The following RMC1 variants were observed in gnomAD, a reference collection of about 807,000 sequenced individuals.
RMC1 encodes regulator of MON1-CCZ1 complex.
A neutral mutation model predicts 95.5 loss-of-function variants in RMC1; 44 were observed. The ratio of observed to expected loss-of-function variants is 0.46; its 90% CI spans 0.36 to 0.59. The LOEUF (loss-of-function observed/expected upper bound fraction) is 0.59, where lower values mean the gene tolerates loss of function less well. RMC1 is among the 20% of genes least tolerant of loss of function. The probability of loss-of-function intolerance (pLI) is 0.00; values close to 1 mark genes in which losing one functional copy is unlikely to be tolerated. For missense variants in RMC1, 705 were observed against 819.6 expected, an observed-to-expected ratio of 0.86 and a Z score of 1.71; for synonymous variants, 320 against 303.6, an observed-to-expected ratio of 1.05 and a Z score of -0.56.
At chr18:23,503,996 G>A (rs1374442489) in intron 1 of RMC1, among the ~76,000 whole-genome samples, 1 of 152,224 alleles carries the variant, frequency 6.6e-6, no homozygotes, top group Non-Finnish European at 1.5e-5. Context: ...TCTTATCTAG[G>A]CTTCTTTTGT....
At chr18:23,517,461 T>G (rs943120637) in intron 7 of RMC1, among the ~76,000 whole-genome samples, 8 of 152,174 alleles carry the variant, frequency 5.3e-5, no homozygotes, top group South Asian at 2.1e-4. Flanking sequence ...CGGAGGTATA[T>G]TTTCATTTGA....
Position 23,527,835 on chromosome 18 carries a change from C to A in RMC1, c.1230C>A (p.Ala410=). ...ESDRASLPVI[A]TVFDKLNHEY... ...ACAGAGCATCGCTGCCCGTGATAGC[C>A]ACTGTTTTTGATAAACTCAACCATG... The change falls in exon 14 of 20, where the codon GCC becomes GCA. Residue 410 remains alanine (A), a synonymous_variant. Coordinates refer to ENST00000269221, the MANE Select transcript of RMC1 (RefSeq NM_013326.5). 6.2e-7 allele frequency: 1 copy of A among 1,614,078 alleles called. No individual in the cohort carries two copies. The highest frequency in any genetic ancestry group is 1.3e-5 in the African/African-American group (1 of 75,016).
chr18:23,529,776 T>C, intron 16 of RMC1, 64 bp downstream of exon 16: 1 of 1,482,198 alleles, frequency 6.7e-7, no homozygotes, highest in Non-Finnish European at 9.4e-7. Context: ...ACACAGTCAC[T>C]GTCTTAGAAG....
At chr18:23,503,807 C>T in intron 1 of RMC1, 87 bp downstream of exon 1, 2 of 1,164,396 alleles carry the variant, frequency 1.7e-6, no homozygotes, top group Non-Finnish European at 2.3e-6. Flanking sequence ...CAGGCCCGAG[C>T]GTCCCCTCCT....
At chr18:23,524,227 C>G in intron 11 of RMC1, 53 bp downstream of exon 11, 1 of 1,600,120 alleles carries the variant, frequency 6.2e-7, no homozygotes, top group South Asian at 1.1e-5. Flanking sequence ...TGGTCACCCT[C>G]AGAGAGTGGT....
chr18:23,522,455 T>G (rs1365573173), intron 10 of RMC1: 1 of 152,196 alleles, frequency 6.6e-6, no homozygotes, highest in Non-Finnish European at 1.5e-5. Context: ...TCTTAAACTT[T>G]CTTAAAACAT....
At chr18:23,516,096 G>A (rs571330195) in intron 6 of RMC1, 100 bp downstream of exon 6, 3 of 1,549,414 alleles carry the variant, frequency 1.9e-6, no homozygotes, top group Non-Finnish European at 2.6e-6. Context: ...GGTTCCTCTA[G>A]CCGTAACGTC....
At chr18:23,528,893 T>G in intron 14 of RMC1, 1 of 297,134 alleles carries the variant, frequency 3.4e-6, no homozygotes, top group South Asian at 4.2e-5. Flanking sequence ...GCTTTTTTTT[T>G]TTTGAGACGG....
chr18:23,517,671 C>A (rs1295128093), intron 7 of RMC1, among the ~76,000 whole-genome samples: 1 of 152,058 alleles, frequency 6.6e-6, no homozygotes, highest in African/African-American at 2.4e-5. Context: ...AATGTTCTTT[C>A]ATTTCTTCTT....
chr18:23,519,761 G>A (rs2058096884), intron 9 of RMC1, among the ~76,000 whole-genome samples: 3 of 152,188 alleles, frequency 2.0e-5, no homozygotes, highest in Admixed American at 2.0e-4. Flanking sequence ...TGTTGCAATT[G>A]TGAGCATGGA....
rs1000865602 is a variant in RMC1, at chr18:23,516,656, T to A, written c.653+233T>A. On this transcript the variant is annotated intron_variant, in intron 7 of 19. Transcript: ENST00000269221. ...TGTGATGCTAAGGAATTCCTTTACC[T>A]TTCTAGCCTGATAAAACAAGAACAT... is the stretch of plus-strand genomic sequence containing the variant. Among the ~76,000 whole-genome samples the A allele has an allele frequency of 2.6e-5, 4 of 152,316 alleles. No homozygotes were observed. In the South Asian group the frequency reaches 8.3e-4, roughly 32 times the overall value.
intron 18 of RMC1, 44 bp downstream of exon 18, chr18:23,530,341 G>T: frequency 6.2e-7 from 1 of 1,613,994 alleles, no homozygotes; most frequent in Non-Finnish European, 8.5e-7. Flanking sequence ...AACTAACTCT[G>T]TTCCTGTTGT....
At chr18:23,504,741 T>C (rs1451168714) in intron 2 of RMC1, 1 of 281,282 alleles carries the variant, frequency 3.6e-6, no homozygotes, top group Non-Finnish European at 6.9e-6. Flanking sequence ...CATTTCTGGT[T>C]TGTTCACAGA....
In RMC1 at chr18:23,503,666, G is replaced by A. The variant is rs766522142; in HGVS notation, c.48G>A (p.Gln16=). Residue 16 remains glutamine, a synonymous_variant, in exon 1 of 20, where the codon CAG becomes CAA. Coordinates refer to ENST00000269221, the MANE Select transcript of RMC1 (RefSeq NM_013326.5). ...YYLELCERPV[Q]FEKANPVNCV... The stretch of plus-strand genomic sequence containing the variant: ...TGGAGCTGTGCGAGCGGCCGGTGCA[G>A]TTCGAGAAGGCGAACCCTGTCAACT... 1.3e-6 allele frequency: 2 copies of A among 1,592,448 alleles called. No individual in the cohort carries two copies. The highest frequency in any genetic ancestry group is 1.7e-6 in the Non-Finnish European group (2 of 1,170,018).
At position 23,506,896 on chromosome 18, in the gene RMC1, CTT is replaced by C. The variant is rs1377787168; in HGVS notation, c.180-71_180-70del. 3.4e-5 allele frequency: 35 copies of C among 1,044,122 alleles called. No homozygotes were observed. In the Admixed American group the frequency reaches 5.7e-4, roughly 17 times the overall value. 64.7% of individuals were successfully genotyped at this position (1,044,122 alleles called of 1,614,324 possible). A position where few individuals can be genotyped will look rare whatever the true frequency, so the allele number is the denominator to read the frequency against. On this transcript the variant is annotated intron_variant, in intron 2 of 19. Transcript: ENST00000269221. The stretch of plus-strand genomic sequence containing the variant: ...GCTGCCTCCTGAATATAGATTGTGT[CTT>C]TTGCCTTTTCAATAAATGGTAGTAG...
chr18:23,504,159 C>G (rs1043980636), intron 1 of RMC1, among the ~76,000 whole-genome samples: 2 of 152,230 alleles, frequency 1.3e-5, no homozygotes, highest in South Asian at 2.1e-4. Flanking sequence ...CCTCGGGAAC[C>G]CGACCCGGTG....
At chr18:23,516,211 A>G in intron 6 of RMC1, 109 bp from the exon 7 acceptor site, 1 of 1,402,098 alleles carries the variant, frequency 7.1e-7, no homozygotes, top group Non-Finnish European at 1.0e-6. Context: ...GACGGTGGAA[A>G]GGATCCAAAG....
chr18:23,514,553 G>A (rs1359836549), intron 5 of RMC1, among the ~76,000 whole-genome samples: 9 of 149,366 alleles, frequency 6.0e-5, no homozygotes, highest in African/African-American at 1.2e-4. Context: ...GTGAAACTCC[G>A]TCTCAAAAAA....
At position 23,516,371 on chromosome 18, in the gene RMC1, C is replaced by T. The variant is rs1348211595; in HGVS notation, c.601C>T (p.Pro201Ser). The change falls in exon 7 of 20, where the codon CCT (proline) becomes TCT (serine). Residue 201 changes from proline to serine, a missense_variant. Physicochemically the swap from Pro to Ser is moderately conservative, Grantham distance 74. Coordinates refer to ENST00000269221, the MANE Select transcript of RMC1 (RefSeq NM_013326.5). ...PKFEIELPAAPKSTKPSLSER... is the reference protein window; with the variant it reads ...PKFEIELPAASKSTKPSLSER... Reference sequence around the variant, plus strand: ...ATTTGAGATTGAATTACCAGCTGCGCCTAAGTCAACTAAACCCAGCCTTTC... The same window carrying T: ...ATTTGAGATTGAATTACCAGCTGCGTCTAAGTCAACTAAACCCAGCCTTTC... The T allele has an allele frequency of 4.3e-6, 7 of 1,614,056 alleles. No homozygotes were observed. The highest frequency in any genetic ancestry group is 1.6e-4 in the Middle Eastern group (1 of 6,084).
Sources: allele counts gnomAD v4.1 joint callset (sites outside exome capture counted in the v4.1 genomes callset), GRCh38; gene constraint gnomAD v4.1.1; transcripts MANE v1.5; gene names NCBI Gene and HGNC (gene_info 2026-07-23, HGNC 2026-07-21).